The following TMEM163 variants were observed in gnomAD, a reference collection of about 807,000 sequenced individuals.
TMEM163 encodes transmembrane protein 163.
TMEM163 carries 17 observed loss-of-function variants against 29.3 expected under a neutral mutation model. The ratio of observed to expected loss-of-function variants is 0.58; its 90% confidence interval spans 0.40 to 0.87. TMEM163 has a LOEUF of 0.87. Among genes scored for constraint, TMEM163 ranks in the 40% least tolerant of loss-of-function variants. TMEM163 has a pLI of 0.00. For missense variants in TMEM163, 303 were observed against 381.5 expected, an observed-to-expected ratio of 0.79 and a Z score of 1.71; for synonymous variants, 157 against 160.6, an observed-to-expected ratio of 0.98 and a Z score of 0.17.
chr2:134,604,239 C>T (rs921385485), intron 2 of TMEM163, among the ~76,000 whole-genome samples: 3 of 152,076 alleles, frequency 2.0e-5, no homozygotes, highest in African/African-American at 4.8e-5. Context: ...GCACTGTTTA[C>T]AATACAGGGA....
intron 5 of TMEM163, among the ~76,000 whole-genome samples, chr2:134,478,068 T>C (rs1034695179): frequency 6.6e-6 from 1 of 152,200 alleles, no homozygotes; most frequent in Admixed American, 6.5e-5. Flanking sequence ...AACCTCCTTG[T>C]TCCCACTCTT....
chr2:134,676,375 A>G (rs1188207225), intron 2 of TMEM163, among the ~76,000 whole-genome samples: 3 of 152,202 alleles, frequency 2.0e-5, no homozygotes, highest in Non-Finnish European at 4.4e-5. Flanking sequence ...GTTGTTTCTT[A>G]CATGTCTGTT....
At chr2:134,539,693 T>C (rs1251027940) in intron 4 of TMEM163, among the ~76,000 whole-genome samples, 1 of 152,210 alleles carries the variant, frequency 6.6e-6, no homozygotes. Flanking sequence ...GCAGGACCTA[T>C]GCAAAATCAA....
intron 4 of TMEM163, among the ~76,000 whole-genome samples, chr2:134,509,224 A>G (rs1390862828): frequency 6.6e-6 from 1 of 152,252 alleles, no homozygotes; most frequent in Admixed American, 6.5e-5. Context: ...CTGCAACTGA[A>G]GAAATGAAAT....
chr2:134,606,610 G>A (rs1234803442), intron 2 of TMEM163, among the ~76,000 whole-genome samples: 1 of 152,204 alleles, frequency 6.6e-6, no homozygotes, highest in Non-Finnish European at 1.5e-5. Context: ...GCGAAGACAG[G>A]GGCTGTGCCT....
At chr2:134,594,265 G>A (rs1682008871) in intron 2 of TMEM163, among the ~76,000 whole-genome samples, 1 of 150,260 alleles carries the variant, frequency 6.7e-6, no homozygotes, top group Admixed American at 6.6e-5. Context: ...AAAGAGAGAA[G>A]CGGGGACAGA....
chr2:134,656,291 G>T (rs1683610495), intron 2 of TMEM163, among the ~76,000 whole-genome samples: 2 of 151,550 alleles, frequency 1.3e-5, no homozygotes, highest in East Asian at 1.9e-4. Context: ...GCAATATTCG[G>T]GTGGGAGTGA....
chr2:134,656,190 AAT>A (rs1161838079), intron 2 of TMEM163, among the ~76,000 whole-genome samples: 1 of 146,006 alleles, frequency 6.8e-6, no homozygotes, highest in Non-Finnish European at 1.5e-5. Flanking sequence ...CTGTACTAGA[AAT>A]CAGCGAGACT....
At chr2:134,673,033 C>G (rs1684026076) in intron 2 of TMEM163, among the ~76,000 whole-genome samples, 1 of 152,132 alleles carries the variant, frequency 6.6e-6, no homozygotes, top group African/African-American at 2.4e-5. Flanking sequence ...CAAAGGCATC[C>G]CATCACCCAC....
At chr2:134,577,724 C>G (rs1193921646) in intron 2 of TMEM163, among the ~76,000 whole-genome samples, 1 of 145,544 alleles carries the variant, frequency 6.9e-6, no homozygotes, top group East Asian at 2.2e-4. Context: ...CCCTTGGGAG[C>G]CTCCGTGCCC....
At chr2:134,632,773 C>T (rs565578931) in intron 2 of TMEM163, among the ~76,000 whole-genome samples, 3 of 151,490 alleles carry the variant, frequency 2.0e-5, no homozygotes, top group East Asian at 1.9e-4. Context: ...GATGGAGTCT[C>T]GCTCTGTCAC....
At chr2:134,658,570 T>G (rs1683674176) in intron 2 of TMEM163, among the ~76,000 whole-genome samples, 2 of 151,914 alleles carry the variant, frequency 1.3e-5, no homozygotes, top group Admixed American at 1.3e-4. Flanking sequence ...ATAGGTAACA[T>G]AAACATCACT....
chr2:134,705,105 G>A (rs192824876), intron 2 of TMEM163, among the ~76,000 whole-genome samples: 8 of 152,050 alleles, frequency 5.3e-5, no homozygotes, highest in Non-Finnish European at 1.2e-4. Flanking sequence ...AGCTACTCGG[G>A]AGGCTGAGGC....
At chr2:134,498,745 G>A (rs529166935) in intron 5 of TMEM163, among the ~76,000 whole-genome samples, 2 of 152,352 alleles carry the variant, frequency 1.3e-5, no homozygotes, top group East Asian at 3.9e-4. Context: ...AGAAAGGCCA[G>A]GGACAGGCAG....
At chr2:134,641,619 C>T (rs1683221496) in intron 2 of TMEM163, among the ~76,000 whole-genome samples, 1 of 151,708 alleles carries the variant, frequency 6.6e-6, no homozygotes, top group African/African-American at 2.4e-5. Context: ...GTCAAAAGCA[C>T]AATAATTAAA....
intron 2 of TMEM163, among the ~76,000 whole-genome samples, chr2:134,688,632 C>T (rs1383922415): frequency 6.6e-6 from 1 of 152,198 alleles, no homozygotes; most frequent in African/African-American, 2.4e-5. Flanking sequence ...AACTATTTCT[C>T]CACTGGAGAC....
chr2:134,498,720 G>A (rs1224798269), intron 5 of TMEM163, among the ~76,000 whole-genome samples: 1 of 152,216 alleles, frequency 6.6e-6, no homozygotes, highest in East Asian at 1.9e-4. Context: ...AGGGTCATAG[G>A]TGGCAGGAGT....
intron 2 of TMEM163, among the ~76,000 whole-genome samples, chr2:134,664,361 C>A (rs1376747537): frequency 6.6e-6 from 1 of 152,198 alleles, no homozygotes; most frequent in Non-Finnish European, 1.5e-5. Context: ...CTGGCCCCAG[C>A]CCCAGGGTCT....
At chr2:134,529,886 C>T (rs530039273) in intron 4 of TMEM163, among the ~76,000 whole-genome samples, 3 of 151,814 alleles carry the variant, frequency 2.0e-5, no homozygotes, top group South Asian at 4.2e-4. Flanking sequence ...AGGAAAGTTT[C>T]GAGTAACCAA....
Sources: allele counts gnomAD v4.1 joint callset (sites outside exome capture counted in the v4.1 genomes callset), GRCh38; gene constraint gnomAD v4.1.1; transcripts MANE v1.5; gene names NCBI Gene and HGNC (gene_info 2026-07-23, HGNC 2026-07-21).